Variants in CCDC141 observed in about 807,000 individuals in gnomAD.
The protein encoded by CCDC141 is coiled-coil domain-containing protein 141.
A neutral mutation model predicts 181.0 loss-of-function variants in CCDC141; 168 were observed. The ratio of observed to expected loss-of-function variants is 0.93; its 90% CI spans 0.82 to 1.05. The LOEUF is 1.05. Among genes scored for constraint, CCDC141 ranks in the 50% least tolerant of loss-of-function variants. The probability of loss-of-function intolerance (pLI) is 0.00; values close to 1 mark genes in which losing one functional copy is unlikely to be tolerated. For missense variants in CCDC141, 1,902 were observed against 1,788.5 expected (o/e 1.06, Z -1.14); for synonymous variants, 666 against 642.3 (o/e 1.04, Z -0.56).
chr2:179,043,078 A>G (rs1175149088), intron 2 of CCDC141, among the ~76,000 whole-genome samples: 1 of 152,344 alleles, frequency 6.6e-6, no homozygotes, highest in South Asian at 2.1e-4. Context: ...CAACCATCAG[A>G]GAATACTATA....
chr2:178,918,004 TA>T (rs1170652626), intron 7 of CCDC141, among the ~76,000 whole-genome samples: 1 of 152,208 alleles, frequency 6.6e-6, no homozygotes, highest in East Asian at 1.9e-4. Context: ...GTAAAAATTT[TA>T]AGGTATTTTT....
chr2:179,002,287 C>G (rs917661625), intron 2 of CCDC141: 4 of 277,134 alleles, frequency 1.4e-5, no homozygotes, highest in African/African-American at 9.1e-5. Flanking sequence ...CTACTGAGTA[C>G]AGGGCATTCC....
At chr2:179,046,025 A>G (rs920814509) in intron 2 of CCDC141, among the ~76,000 whole-genome samples, 1 of 152,170 alleles carries the variant, frequency 6.6e-6, no homozygotes, top group Non-Finnish European at 1.5e-5. Flanking sequence ...CAAGCAGAAA[A>G]CCACTGTCTA....
rs1294778202 is a variant in CCDC141, at chr2:178,832,059, G to GGA, written c.*2112_*2113dup. 1.3e-5 allele frequency: 2 copies of GGA among 152,174 alleles called. No homozygotes were observed. Among genetic ancestry groups the GGA allele is most frequent in the Non-Finnish European group, 2.9e-5 (2 of 68,050 alleles). 9.4% of individuals were successfully genotyped at this position (152,174 alleles called of 1,614,324 possible). A position where few individuals can be genotyped will look rare whatever the true frequency, so the allele number is the denominator to read the frequency against. On this transcript the variant is annotated 3_prime_UTR_variant, in exon 24 of 24. Coordinates refer to ENST00000443758, the MANE Select transcript of CCDC141 (RefSeq NM_173648.4). ...TCAACCATGTTGACAAAATGGGAAG[G>GGA]GAGATCCTGCCAAATTAATAAGAAA...
chr2:178,839,126 A>T (rs1684612310), intron 22 of CCDC141, among the ~76,000 whole-genome samples: 1 of 152,110 alleles, frequency 6.6e-6, no homozygotes, highest in East Asian at 1.9e-4. Flanking sequence ...ATTTTTAAGA[A>T]AATAAGACTG....
chr2:178,984,578 G>C (rs373251994), intron 2 of CCDC141, among the ~76,000 whole-genome samples: 1 of 148,734 alleles, frequency 6.7e-6, no homozygotes, highest in Non-Finnish European at 1.5e-5. Flanking sequence ...CCCATCTCAC[G>C]TGCAGAGACA....
chr2:178,922,533 G>A (rs1319025652), intron 6 of CCDC141, among the ~76,000 whole-genome samples: 2 of 152,156 alleles, frequency 1.3e-5, no homozygotes, highest in Non-Finnish European at 2.9e-5. Context: ...TAAAAATCTT[G>A]TATGACCCTG....
intron 4 of CCDC141, among the ~76,000 whole-genome samples, chr2:178,964,462 A>T (rs1490608292): frequency 1.3e-5 from 2 of 152,202 alleles, no homozygotes; most frequent in Admixed American, 1.3e-4. Context: ...ATTAGCCAAA[A>T]TTAAAATTCA....
intron 2 of CCDC141, among the ~76,000 whole-genome samples, chr2:179,033,121 C>G (rs890092724): frequency 1.3e-5 from 2 of 150,978 alleles, no homozygotes; most frequent in Non-Finnish European, 3.0e-5. Flanking sequence ...CAAACCAAAA[C>G]AAAAGAAAAG....
chr2:178,847,726 T>A (rs570417698), intron 21 of CCDC141, among the ~76,000 whole-genome samples: 1 of 152,298 alleles, frequency 6.6e-6, no homozygotes, highest in South Asian at 2.1e-4. Context: ...ATAGCCTGAA[T>A]GTTTATGCTC....
chr2:178,917,870 C>T (rs1226278643), intron 7 of CCDC141, among the ~76,000 whole-genome samples: 1 of 152,160 alleles, frequency 6.6e-6, no homozygotes, highest in Non-Finnish European at 1.5e-5. Flanking sequence ...AAAGGCAAGA[C>T]CAAGGTGGAA....
intron 2 of CCDC141, among the ~76,000 whole-genome samples, chr2:178,992,543 T>G (rs1162775815): frequency 6.6e-6 from 1 of 152,170 alleles, no homozygotes; most frequent in Non-Finnish European, 1.5e-5. Context: ...TGTTTCTCTC[T>G]GTAAGAGGAC....
At chr2:179,009,427 G>A (rs2042205105) in intron 2 of CCDC141, among the ~76,000 whole-genome samples, 1 of 152,112 alleles carries the variant, frequency 6.6e-6, no homozygotes, top group African/African-American at 2.4e-5. Flanking sequence ...GAAGGCTGTT[G>A]TTCAGATTCT....
chr2:178,905,605 G>C (rs544717741), intron 7 of CCDC141, 104 bp from the exon 8 acceptor site: 2 of 1,052,972 alleles, frequency 1.9e-6, no homozygotes, highest in Non-Finnish European at 2.6e-6. Context: ...CAATTTGTTA[G>C]TTTCATTATA....
intron 4 of CCDC141, among the ~76,000 whole-genome samples, chr2:178,965,108 T>C (rs920856300): frequency 7.9e-5 from 12 of 152,236 alleles, no homozygotes; most frequent in African/African-American, 2.7e-4. Context: ...ATGAGTACTT[T>C]CTAAAATGCA....
intron 12 of CCDC141, chr2:178,877,593 G>C: frequency 3.7e-6 from 1 of 266,914 alleles, no homozygotes; most frequent in Non-Finnish European, 6.9e-6. Context: ...CTCTTCAAAA[G>C]AAGATTCATC....
chr2:178,982,683 C>G (rs1691479649), intron 2 of CCDC141, among the ~76,000 whole-genome samples: 1 of 152,160 alleles, frequency 6.6e-6, no homozygotes, highest in Admixed American at 6.5e-5. Flanking sequence ...GTTCCCTTTC[C>G]TAATCAAAGA....
intron 13 of CCDC141, 42 bp from the exon 14 acceptor site, chr2:178,871,594 C>T (rs1686123425): frequency 6.2e-7 from 1 of 1,601,084 alleles, no homozygotes; most frequent in Admixed American, 1.7e-5. Context: ...TTTTCTTTGA[C>T]ATCTCCAGCA....
intron 8 of CCDC141, among the ~76,000 whole-genome samples, chr2:178,901,328 C>G (rs1404680038): frequency 6.6e-6 from 1 of 152,060 alleles, no homozygotes; most frequent in Non-Finnish European, 1.5e-5. Flanking sequence ...GGCGAATATC[C>G]TTGATGAATA....
Sources: gnomAD v4.1 joint callset for allele counts (sites outside exome capture counted in the v4.1 genomes callset) on GRCh38, gnomAD v4.1.1 for gene constraint, MANE v1.5 for transcripts, NCBI Gene and HGNC (gene_info 2026-07-23, HGNC 2026-07-21) for gene names.